NUP160: variants seen among roughly 807,000 people sequenced by gnomAD.
NUP160 encodes nucleoporin 160, also known as nuclear pore complex protein Nup160.
Under a neutral mutation model 196.9 loss-of-function variants are expected in NUP160, and 94 were observed. The observed-to-expected ratio is 0.48, with a 90% CI of 0.40 to 0.57. The LOEUF is 0.57. Among genes scored for constraint, NUP160 ranks in the 20% least tolerant of loss-of-function variants. NUP160 has a pLI of 0.00. For synonymous variants in NUP160, 605 were observed against 619.7 expected, an observed-to-expected ratio of 0.98 and a Z score of 0.35; for missense variants, 1,638 against 1,748.3, an observed-to-expected ratio of 0.94 and a Z score of 1.13.
rs146925028 is a variant in NUP160, at chr11:47,848,238, T to C, written c.183A>G (p.Glu61=). The C allele has an allele frequency of 3.0e-4, 486 of 1,614,146 alleles. 4 individuals are homozygous for C. Among genetic ancestry groups the C allele is most frequent in the Non-Finnish European group, 3.6e-5 (43 of 1,180,016 alleles). Reference sequence around the variant, plus strand: ...CCGTACCAATGCTGCAGACTGTGAATTCCCGAAAGTGCCTCGGCCTTTCGC... The same window carrying C: ...CCGTACCAATGCTGCAGACTGTGAACTCCCGAAAGTGCCTCGGCCTTTCGC... Residue 61 remains glutamate, a synonymous_variant, in exon 1 of 36, where the codon GAA becomes GAG. Transcript: ENST00000378460.
At chr11:47,836,944 A>G in exon 6 of NUP160, 1 of 1,613,934 alleles carries the variant, frequency 6.2e-7, no homozygotes, top group South Asian at 1.1e-5. Flanking sequence ...TGAAGGCATC[A>G]TGCTCCACAC....
chr11:47,778,326 A>T (rs1394942989), exon 36 of NUP160: 1 of 152,602 alleles, frequency 6.6e-6, no homozygotes, highest in Non-Finnish European at 1.5e-5. Flanking sequence ...ATGCTTCTAA[A>T]TCTGACCAAT....
intron 7 of NUP160, among the ~76,000 whole-genome samples, chr11:47,832,603 T>C (rs977265594): frequency 1.6e-4 from 24 of 152,132 alleles, no homozygotes; most frequent in Non-Finnish European, 3.4e-4. Flanking sequence ...ACTCCTACAA[T>C]TGCATCTCCA....
rs1353212469 is a variant in NUP160 at position 47,792,849 on chromosome 11, G to A, written c.3387C>T (p.Leu1129=). 1.9e-6 allele frequency: 3 copies of A among 1,614,036 alleles called. No individual in the cohort carries two copies. In the African/African-American group the frequency reaches 4.0e-5, roughly 22 times the overall value. Residue 1129 remains leucine (L), a synonymous_variant, in exon 28 of 36, where the codon CTC becomes CTT. Transcript: ENST00000378460. ...CTGGACGAATAAGTCGTAAACAATT[G>A]AGAGCAGCCAGATAACAGTTGCCTT...
intron 7 of NUP160, among the ~76,000 whole-genome samples, chr11:47,830,611 A>G (rs1168477385): frequency 6.6e-6 from 1 of 152,238 alleles, no homozygotes; most frequent in Admixed American, 6.5e-5. Context: ...CAGGAACAGA[A>G]AACCAAATAC....
exon 15 of NUP160, chr11:47,813,014 A>T (rs370854632): frequency 2.5e-5 from 40 of 1,611,880 alleles, no homozygotes; most frequent in Non-Finnish European, 3.4e-5. Context: ...GAGGCATTTT[A>T]TAAGACATAT....
intron 35 of NUP160, 31 bp downstream of exon 35, chr11:47,780,312 C>A: frequency 1.4e-6 from 2 of 1,442,732 alleles, no homozygotes; most frequent in Non-Finnish European, 2.0e-6. Context: ...CAGGGGCTTA[C>A]ACAAGACGTC....
Position 47,806,152 on chromosome 11 carries a change from C to T in NUP160, c.2606+1G>A. The T allele has an allele frequency of 6.2e-7, 1 of 1,613,780 alleles. No homozygotes were observed. Among genetic ancestry groups the T allele is most frequent in the African/African-American group, 1.3e-5 (1 of 75,010 alleles). ...TCACTGGCTTCTAAATAAAAGGATA[C>T]AAAAGCTGCAATAAATAACTGGTAA... is the stretch of plus-strand genomic sequence containing the variant. On this transcript the variant is annotated splice_donor_variant, in intron 20 of 35. Transcript: ENST00000378460. LOFTEE classifies it high-confidence loss of function.
At position 47,818,348 on chromosome 11, in the gene NUP160, G is replaced by T. The variant is rs1851780183; in HGVS notation, c.1363-224C>A. 2.0e-5 allele frequency among the ~76,000 whole-genome samples: 3 copies of T among 151,980 alleles called. No individual in the cohort carries two copies. The South Asian group carries it at 6.2e-4, about 32-fold the overall frequency. On this transcript the variant is annotated intron_variant, in intron 10 of 35. Coordinates refer to ENST00000378460, the Ensembl canonical transcript of NUP160. ...TACTTAAAATGGTGTGTTCCTCACG[G>T]AGAGCTTCATTGGGTTCCGGCAGAA...
At chr11:47,838,025 GAGA>G (rs1852210193) in intron 4 of NUP160, among the ~76,000 whole-genome samples, 1 of 152,174 alleles carries the variant, frequency 6.6e-6, no homozygotes, top group Non-Finnish European at 1.5e-5. Flanking sequence ...GGGGGAAGGG[GAGA>G]AGCAGAGACA....
chr11:47,790,463 G>T (rs1320272715), intron 29 of NUP160, among the ~76,000 whole-genome samples: 1 of 152,056 alleles, frequency 6.6e-6, no homozygotes, highest in Non-Finnish European at 1.5e-5. Context: ...GTTTCATCAT[G>T]TTGGCCAGGC....
At chr11:47,818,669 G>A (rs1391657139) in intron 10 of NUP160, among the ~76,000 whole-genome samples, 1 of 152,080 alleles carries the variant, frequency 6.6e-6, no homozygotes, top group East Asian at 1.9e-4. Context: ...AACCAGATTT[G>A]CCCCCAAGTA....
At chr11:47,779,430 G>T in intron 35 of NUP160, 1 of 484,542 alleles carries the variant, frequency 2.1e-6, no homozygotes. Flanking sequence ...TTCTAAGTAT[G>T]GAAATCGTAC....
intron 7 of NUP160, among the ~76,000 whole-genome samples, chr11:47,825,647 T>C (rs995912797): frequency 6.6e-5 from 10 of 151,994 alleles, no homozygotes; most frequent in Non-Finnish European, 1.3e-4. Context: ...GAGACAGGGT[T>C]TCACCATGTT....
intron 31 of NUP160, among the ~76,000 whole-genome samples, 198 bp downstream of exon 31, chr11:47,787,984 A>C (rs1388739065): frequency 6.6e-6 from 1 of 152,110 alleles, no homozygotes; most frequent in Non-Finnish European, 1.5e-5. Context: ...GGCCTCCCAA[A>C]GTGCTGGGAT....
Position 47,806,146 on chromosome 11 carries a change from A to G in NUP160, c.2606+7T>C. 6.2e-7 allele frequency: 1 copy of G among 1,613,358 alleles called. No homozygotes were observed. The highest frequency in any genetic ancestry group is 8.5e-7 in the Non-Finnish European group (1 of 1,179,380). ...AGCTTTTCACTGGCTTCTAAATAAA[A>G]GGATACAAAAGCTGCAATAAATAAC... On this transcript the variant is annotated splice_region_variant and intron_variant, in intron 20 of 35. Coordinates refer to ENST00000378460, the Ensembl canonical transcript of NUP160.
intron 7 of NUP160, among the ~76,000 whole-genome samples, chr11:47,822,405 C>T (rs1851878597): frequency 2.0e-5 from 3 of 151,960 alleles, no homozygotes; most frequent in African/African-American, 7.2e-5. Flanking sequence ...TTACAGGTGC[C>T]CGCCACCATG....
intron 33 of NUP160, 97 bp downstream of exon 33, chr11:47,784,825 A>G: frequency 1.1e-6 from 1 of 936,522 alleles, no homozygotes; most frequent in South Asian, 2.6e-5. Context: ...GACAGGTATG[A>G]GCCACTGCAA....
At chr11:47,832,958 T>C (rs943259500) in intron 7 of NUP160, among the ~76,000 whole-genome samples, 1 of 151,890 alleles carries the variant, frequency 6.6e-6, no homozygotes, top group South Asian at 2.1e-4. Flanking sequence ...AGACAGAAAA[T>C]AGATTAGCAG....
Sources: gnomAD v4.1 joint callset for allele counts (sites outside exome capture counted in the v4.1 genomes callset) on GRCh38, gnomAD v4.1.1 for gene constraint, MANE v1.5 for transcripts, NCBI Gene and HGNC (gene_info 2026-07-23, HGNC 2026-07-21) for gene names.